SYNE1: variants seen among roughly 807,000 people sequenced by gnomAD.
SYNE1 encodes the protein nesprin-1.
In SYNE1, 616 loss-of-function variants were observed where a neutral mutation model predicts 1,111.0. That is an observed-to-expected ratio of 0.55 (90% confidence interval 0.52 to 0.59). The LOEUF is 0.59. SYNE1 is among the 20% of genes least tolerant of loss of function. SYNE1 has a pLI of 0.00. For synonymous variants in SYNE1, 3,855 were observed against 3,825.8 expected, an observed-to-expected ratio of 1.01 and a Z score of -0.28; for missense variants, 10,006 against 10,417.0, an observed-to-expected ratio of 0.96 and a Z score of 1.72.
chr6:152,140,437 CACGA>C (rs1169607072), intron 139 of SYNE1, among the ~76,000 whole-genome samples: 1 of 152,150 alleles, frequency 6.6e-6, no homozygotes, highest in Non-Finnish European at 1.5e-5. Flanking sequence ...CAGTCATGAG[CACGA>C]ACGATCGTTC....
At chr6:152,300,940 T>A (rs1425695296) in intron 92 of SYNE1, among the ~76,000 whole-genome samples, 159 bp from the exon 93 acceptor site, 1 of 152,228 alleles carries the variant, frequency 6.6e-6, no homozygotes, top group African/African-American at 2.4e-5. Flanking sequence ...TATTTAAAAG[T>A]TCTGTCTTCA....
chr6:152,176,933 T>G (rs1264636983), intron 129 of SYNE1, among the ~76,000 whole-genome samples: 2 of 152,124 alleles, frequency 1.3e-5, no homozygotes, highest in Non-Finnish European at 2.9e-5. Context: ...TTAGAATAAA[T>G]TCTCAGACAA....
At chr6:152,604,563 C>T (rs188217599) in intron 3 of SYNE1, among the ~76,000 whole-genome samples, 6 of 152,154 alleles carry the variant, frequency 3.9e-5, no homozygotes, top group African/African-American at 1.4e-4. Context: ...TCTGGCCTCC[C>T]GAAGTGCTAG....
At position 152,262,092 on chromosome 6, in the gene SYNE1, T is replaced by C. The variant is rs894254015; in HGVS notation, c.18912A>G (p.Gln6304=). 1 of 1,613,960 alleles carries C rather than the reference T, an allele frequency of 6.2e-7. No individual in the cohort carries two copies. The highest frequency in any genetic ancestry group is 8.5e-7 in the Non-Finnish European group (1 of 1,179,962). ...GTAGTTTCTGCTTGGTACTAAATTC[T>C]TGATGTAGGCTTTCCCATTTCATTC... ...QMRMKWESLH[Q]EFSTKQKLLQ... is the part of the protein sequence containing the mutation. Residue 6304 remains glutamine, a synonymous_variant, in exon 101 of 146, where the codon CAA becomes CAG. Coordinates refer to ENST00000367255, the MANE Select transcript of SYNE1 (RefSeq NM_182961.4).
intron 100 of SYNE1, 76 bp from the exon 101 acceptor site, chr6:152,262,264 C>T: frequency 7.5e-7 from 1 of 1,334,780 alleles, no homozygotes; most frequent in Non-Finnish European, 1.1e-6. Context: ...TTGTGTGTAC[C>T]AGACCTGGCT....
Position 152,512,690 on chromosome 6 carries a change from G to A in SYNE1, c.310-1587C>T, listed in dbSNP as rs114151435. On this transcript the variant is annotated intron_variant, in intron 6 of 145. Coordinates refer to ENST00000367255, the MANE Select transcript of SYNE1 (RefSeq NM_182961.4). ...ATTCAATTTATTACAGAAGCTAAAG[G>A]ATCTTTTGCCTAACTTGTGAAGAAA... 5.9e-3 allele frequency among the ~76,000 whole-genome samples: 902 copies of A among 152,196 alleles called. 9 individuals are homozygous for A. Among genetic ancestry groups the A allele is most frequent in the African/African-American group, 0.021 (860 of 41,528 alleles).
At chr6:152,627,953 A>G (rs1444294377) in intron 3 of SYNE1, among the ~76,000 whole-genome samples, 2 of 151,082 alleles carry the variant, frequency 1.3e-5, no homozygotes, top group Non-Finnish European at 2.9e-5. Flanking sequence ...GTATTATTGA[A>G]CAACAGCAGC....
intron 15 of SYNE1, 46 bp downstream of exon 15, chr6:152,472,255 T>C: frequency 1.4e-6 from 2 of 1,469,734 alleles, no homozygotes; most frequent in Non-Finnish European, 1.9e-6. Context: ...AGCGTCCACC[T>C]AGTGTTTTAA....
chr6:152,165,955 A>T (rs1032070984), intron 130 of SYNE1, among the ~76,000 whole-genome samples: 4 of 152,168 alleles, frequency 2.6e-5, no homozygotes, highest in African/African-American at 9.7e-5. Context: ...ACCATCAATA[A>T]ACCCACTGGA....
intron 14 of SYNE1, chr6:152,480,914 C>A: frequency 2.4e-6 from 1 of 409,190 alleles, no homozygotes; most frequent in Non-Finnish European, 4.8e-6. Flanking sequence ...TAGACTTTGG[C>A]AGAGAGATTG....
chr6:152,287,811 T>A (rs2094412045), intron 95 of SYNE1, among the ~76,000 whole-genome samples: 1 of 152,200 alleles, frequency 6.6e-6, no homozygotes, highest in Admixed American at 6.5e-5. Flanking sequence ...CCTCCCAAAG[T>A]GCTGGGATTA....
rs376036901 is a variant in SYNE1 at position 152,367,221 on chromosome 6, G to A, written c.9969C>T (p.Leu3323=). 7 of 1,614,180 alleles carry A rather than the reference G, an allele frequency of 4.3e-6. No homozygotes were observed. The East Asian group carries it at 6.7e-5, about 15-fold the overall frequency. The stretch of plus-strand genomic sequence containing the variant: ...ATTTCTGTGTAAAGATGCACACCTC[G>A]AGCTTGAGCGTCCTGCTGTCCAGCA... ...KSVLDSRTLK[L]EALLSVKQEK... Residue 3323 remains leucine (L), a synonymous_variant, in exon 62 of 146, where the codon CTC becomes CTT. Transcript: ENST00000367255.
rs572077957 is a variant in SYNE1, at chr6:152,476,330, C to T, written c.1351-3917G>A. Among the ~76,000 whole-genome samples, 9 of 152,260 alleles carry T rather than the reference C, an allele frequency of 5.9e-5. No homozygotes were observed. In the East Asian group the frequency reaches 1.5e-3, roughly 26 times the overall value. ...TTGATAGAAACTGTTTTTTCAGTTGCACAGCCCCCAAATCATAGTGTCATT... is the reference window on the plus strand; with the variant it reads ...TTGATAGAAACTGTTTTTTCAGTTGTACAGCCCCCAAATCATAGTGTCATT... On this transcript the variant is annotated intron_variant, in intron 14 of 145. Transcript: ENST00000367255.
In SYNE1 at chr6:152,430,463, T is replaced by C. The variant is rs747524888; in HGVS notation, c.4689+19A>G. On this transcript the variant is annotated intron_variant, in intron 35 of 145. Transcript: ENST00000367255. ...AATGTGAAATATGTAAACTTAAGTA[T>C]AGGTGGATCAATTCTTACCTTTCTA... is the stretch of plus-strand genomic sequence containing the variant. 3.1e-6 allele frequency: 5 copies of C among 1,596,542 alleles called. No homozygotes were observed. Among genetic ancestry groups the C allele is most frequent in the South Asian group, 1.1e-5 (1 of 90,734 alleles).
In SYNE1 at chr6:152,367,579, CA is replaced by C. The variant is rs144983233; in HGVS notation, c.9808-198del. On this transcript the variant is annotated intron_variant, in intron 61 of 145. Transcript: ENST00000367255. ...ACTATTAGAATAACTGGGTCAAAAG[CA>C]AAAAAAAAAGTTACAATTTTATGCC... 0.049 allele frequency: 26,291 copies of C among 533,572 alleles called. 599 individuals are homozygous for C. The highest frequency in any genetic ancestry group is 0.11 in the Admixed American group (3,485 of 31,458). 33.1% of individuals were successfully genotyped at this position (533,572 alleles called of 1,614,324 possible).
intron 11 of SYNE1, 86 bp from the exon 12 acceptor site, chr6:152,488,589 CTT>C (rs1775015547): frequency 2.5e-6 from 2 of 805,958 alleles, no homozygotes; most frequent in Non-Finnish European, 4.1e-6. Context: ...CTAGAAGAGA[CTT>C]AATATTTAGT....
At position 152,181,116 on chromosome 6, in the gene SYNE1, C is replaced by A. The variant is rs146068735; in HGVS notation, c.23302-822G>T. ...AAAAAAAGCCAGGTGCAGTGGCTCACGTCTGTAATCCTAACACTTTGGGAG... is the reference window on the plus strand; with the variant it reads ...AAAAAAAGCCAGGTGCAGTGGCTCAAGTCTGTAATCCTAACACTTTGGGAG... On this transcript the variant is annotated intron_variant, in intron 128 of 145. Coordinates refer to ENST00000367255, the MANE Select transcript of SYNE1 (RefSeq NM_182961.4). Among the ~76,000 whole-genome samples, 586 of 149,520 alleles carry A rather than the reference C, an allele frequency of 3.9e-3. 7 individuals carry two copies. Among genetic ancestry groups the A allele is most frequent in the South Asian group, 0.014 (68 of 4,726 alleles).
chr6:152,517,525 T>C (rs2099117940), intron 6 of SYNE1, among the ~76,000 whole-genome samples: 1 of 152,226 alleles, frequency 6.6e-6, no homozygotes, highest in Admixed American at 6.5e-5. Context: ...GAAGCACTTA[T>C]GCACATAGTT....
At chr6:152,504,249 G>A (rs1202057492) in intron 9 of SYNE1, among the ~76,000 whole-genome samples, 2 of 152,070 alleles carry the variant, frequency 1.3e-5, no homozygotes, top group African/African-American at 4.8e-5. Context: ...AAGTGGGGTG[G>A]GGGCAGAGTG....
Sources: gnomAD v4.1 joint callset for allele counts (sites outside exome capture counted in the v4.1 genomes callset) on GRCh38, gnomAD v4.1.1 for gene constraint, MANE v1.5 for transcripts, NCBI Gene and HGNC (gene_info 2026-07-23, HGNC 2026-07-21) for gene names.